Variants in RAB33A observed in about 807,000 individuals in gnomAD.
RAB33A encodes ras-related protein Rab-33A.
Under a neutral mutation model 12.0 loss-of-function variants are expected in RAB33A, and 6 were observed. That is an observed-to-expected ratio of 0.50 (90% CI 0.27 to 0.99). The LOEUF is 0.99. RAB33A is among the 50% of genes least tolerant of loss of function. The pLI is 0.11. For synonymous variants in RAB33A, 70 were observed against 82.4 expected (o/e 0.85, Z 0.81); for missense variants, 109 against 192.0 (o/e 0.57, Z 2.55).
the RAB33A span, chrX:130,131,857 C>A: frequency 1.7e-6 from 2 of 1,167,857 alleles, no homozygotes; most frequent in African/African-American, 1.8e-5. Flanking sequence ...CACGGTAGCA[C>A]ATATTCTCCA....
chrX:130,114,852 A>G, the RAB33A span, among the ~76,000 whole-genome samples: 1 of 111,832 alleles, frequency 8.9e-6, no homozygotes. Flanking sequence ...CCCAGGCTGG[A>G]GTGCAGTGGT....
At chrX:130,155,393 T>C in the RAB33A span, 1 of 999,872 alleles carries the variant, frequency 1.0e-6, no homozygotes, top group Admixed American at 2.5e-5. Flanking sequence ...GGTTACCCTG[T>C]GCTAAAAAAG....
the RAB33A span, among the ~76,000 whole-genome samples, chrX:130,130,501 A>G: frequency 6.2e-5 from 7 of 112,481 alleles, no homozygotes; most frequent in African/African-American, 2.3e-4. Context: ...CTTGTCCTCT[A>G]AGAAATAATT....
At chrX:130,146,349 T>C in the RAB33A span, among the ~76,000 whole-genome samples, 5 of 108,327 alleles carry the variant, frequency 4.6e-5, no homozygotes, top group African/African-American at 1.3e-4. Flanking sequence ...GAGGCTGAGG[T>C]GGGAGGATCA....
At chrX:130,110,813 G>A in the RAB33A span, 10 of 105,869 alleles carry the variant, frequency 9.4e-5, no homozygotes, top group East Asian at 2.1e-3. Context: ...GCCAAGACAC[G>A]GGGCGGCAGG....
chrX:130,137,795 A>T, the RAB33A span: 5 of 952,125 alleles, frequency 5.3e-6, no homozygotes, highest in Non-Finnish European at 6.5e-6. Flanking sequence ...AGGTGCAGTG[A>T]CTCACACCTA....
At chrX:130,153,178 C>CAAAA in the RAB33A span, among the ~76,000 whole-genome samples, 2 of 43,913 alleles carry the variant, frequency 4.6e-5, no homozygotes, top group Non-Finnish European at 8.3e-5. Context: ...ACTAAAAATA[C>CAAAA]AAAAAAAAAA....
the RAB33A span, among the ~76,000 whole-genome samples, chrX:130,148,922 CTT>C: frequency 9.4e-4 from 64 of 68,363 alleles, no homozygotes; most frequent in African/African-American, 2.5e-3. Flanking sequence ...TTTTAAGAGA[CTT>C]TTTTTTTTTT....
the RAB33A span, chrX:130,131,736 T>C: frequency 8.3e-7 from 1 of 1,212,042 alleles, no homozygotes. Flanking sequence ...AAACACCAAC[T>C]GTGGGCAAAC....
chrX:130,116,099 C>CTTTTTTT, the RAB33A span, among the ~76,000 whole-genome samples: 4 of 63,050 alleles, frequency 6.3e-5, no homozygotes, highest in East Asian at 4.2e-4. Flanking sequence ...ACCCCAGGTC[C>CTTTTTTT]TTTTTTTTTT....
chrX:130,171,668 C>T, upstream of RAB33A: 1 of 162,326 alleles, frequency 6.2e-6, no homozygotes. Context: ...CCCGGGAATG[C>T]AGGCAGGGGA....
chrX:130,175,689 G>A (rs1251203217), intron 1 of RAB33A, among the ~76,000 whole-genome samples: 1 of 109,819 alleles, frequency 9.1e-6, no homozygotes, highest in Non-Finnish European at 1.9e-5. Context: ...TAGAGATGGG[G>A]TTTCACCATG....
the RAB33A span, among the ~76,000 whole-genome samples, chrX:130,143,358 T>C: frequency 8.9e-6 from 1 of 112,110 alleles, no homozygotes; most frequent in African/African-American, 3.2e-5. Context: ...CCCCTTAAAC[T>C]AGCTCTTCCT....
the RAB33A span, among the ~76,000 whole-genome samples, chrX:130,152,263 C>T: frequency 8.9e-6 from 1 of 111,746 alleles, no homozygotes; most frequent in African/African-American, 3.3e-5. Context: ...CTCACACTTG[C>T]TAATGGCTCA....
At chrX:130,163,634 T>C in the RAB33A span, among the ~76,000 whole-genome samples, 1 of 112,291 alleles carries the variant, frequency 8.9e-6, no homozygotes, top group African/African-American at 3.2e-5. Flanking sequence ...TATTCTACAG[T>C]AGACTGCCTT....
chrX:130,184,336 G>A lies in RAB33A; in HGVS notation c.310G>A (p.Glu104Lys), dbSNP rs760609247. The change falls in exon 2 of 2, where the codon GAG becomes AAG. Residue 104 changes from glutamate to lysine, a missense_variant. Coordinates refer to ENST00000257017, the MANE Select transcript of RAB33A (RefSeq NM_004794.3). The part of the protein sequence containing the change: ...GQERFRKSMV[E>K]HYYRNVHAVV... ...GGAACGTTTCCGCAAAAGCATGGTC[G>A]AGCATTACTACCGCAACGTACATGC... is the stretch of plus-strand genomic sequence containing the variant. 1.7e-6 allele frequency: 2 copies of A among 1,210,528 alleles called. No individual in the cohort carries two copies. The highest frequency in any genetic ancestry group is 2.2e-5 in the Admixed American group (1 of 45,760).
At chrX:130,112,120 C>T in the RAB33A span, among the ~76,000 whole-genome samples, 1 of 111,961 alleles carries the variant, frequency 8.9e-6, no homozygotes, top group Non-Finnish European at 1.9e-5. Context: ...GGATGATGGC[C>T]ACAAAGGCAG....
At chrX:130,125,525 C>T in the RAB33A span, among the ~76,000 whole-genome samples, 5 of 110,850 alleles carry the variant, frequency 4.5e-5, no homozygotes, top group African/African-American at 9.9e-5. Context: ...GCACTGGGAG[C>T]GAGTCCCAAC....
chrX:130,132,023 C>A, the RAB33A span, among the ~76,000 whole-genome samples: 1 of 111,553 alleles, frequency 9.0e-6, no homozygotes, highest in South Asian at 3.8e-4. Flanking sequence ...CAGGCACCCA[C>A]TACCACCCTG....
Sources: gnomAD v4.1 joint callset for allele counts (sites outside exome capture counted in the v4.1 genomes callset) on GRCh38, gnomAD v4.1.1 for gene constraint, MANE v1.5 for transcripts, NCBI Gene and HGNC (gene_info 2026-07-23, HGNC 2026-07-21) for gene names.